Variants in TNIK observed in about 807,000 individuals in gnomAD.
TNIK encodes the protein TRAF2 and NCK interacting kinase.
TNIK carries 49 observed loss-of-function variants against 191.3 expected under a neutral mutation model. That is an observed-to-expected ratio of 0.26 (90% confidence interval 0.20 to 0.32). The LOEUF (loss-of-function observed/expected upper bound fraction) is 0.32. Ranked by LOEUF, TNIK falls within the 10% of genes least tolerant of loss-of-function variation. TNIK has a pLI of 1.00. For synonymous variants in TNIK, 594 were observed against 600.9 expected, an observed-to-expected ratio of 0.99 and a Z score of 0.17; for missense variants, 1,155 against 1,702.3, an observed-to-expected ratio of 0.68 and a Z score of 5.66.
chr3:171,209,064 GGTGTGTGT>G (rs61264225), intron 4 of TNIK, among the ~76,000 whole-genome samples: 4 of 142,014 alleles, frequency 2.8e-5, no homozygotes, highest in Non-Finnish European at 4.6e-5. Flanking sequence ...CTTTGGAAGG[GGTGTGTGT>G]GTGTGTGTGT....
rs116516182 is a variant in TNIK at position 171,222,792 on chromosome 3, G to T, written c.180+5373C>A. On this transcript the variant is annotated intron_variant, in intron 3 of 32. Coordinates refer to ENST00000436636, the MANE Select transcript of TNIK (RefSeq NM_015028.4). ...ACAGAAATAGGAATTCAGTGAAGCA[G>T]AGCTTAGCATGGATCCTCCTAGTAG... Among the ~76,000 whole-genome samples the T allele has an allele frequency of 4.0e-3, 610 of 152,240 alleles. 4 individuals carry two copies. The highest frequency in any genetic ancestry group is 0.014 in the African/African-American group (577 of 41,562).
At position 171,084,277 on chromosome 3, in the gene TNIK, T is replaced by G; in HGVS notation, c.3047A>C (p.Glu1016Ala). The change falls in exon 26 of 33, where the codon GAA becomes GCA. Residue 1016 changes from glutamate to alanine, a missense_variant. This residue lies in a region of TNIK where 735 missense variants were observed against 848.0 expected (regional missense o/e 0.87). Transcript: ENST00000436636. ...ATTTACCACCGAAATCTTTCTTGCT[T>G]CATTGAGTTTGGCCTGTTCTTGCCT... ...LLRQEQAKLN[E>A]ARKISVVNVN... 1 of 1,613,906 alleles carries G rather than the reference T, an allele frequency of 6.2e-7. No homozygotes were observed. Among genetic ancestry groups the G allele is most frequent in the Non-Finnish European group, 8.5e-7 (1 of 1,179,826 alleles).
intron 2 of TNIK, among the ~76,000 whole-genome samples, chr3:171,286,310 G>A (rs530306550): frequency 6.6e-6 from 1 of 152,242 alleles, no homozygotes; most frequent in South Asian, 2.1e-4. Context: ...TGAATGCCCT[G>A]ACTCGTTACA....
At chr3:171,068,427 G>A (rs973347381) in intron 30 of TNIK, among the ~76,000 whole-genome samples, 2 of 152,112 alleles carry the variant, frequency 1.3e-5, no homozygotes, top group Non-Finnish European at 2.9e-5. Context: ...AAGCTGAAGA[G>A]AGGAACTAAA....
At chr3:171,113,467 G>A (rs576453807) in intron 18 of TNIK, among the ~76,000 whole-genome samples, 70 of 152,158 alleles carry the variant, frequency 4.6e-4, no homozygotes, top group African/African-American at 1.5e-3. Flanking sequence ...TTAGCTGGGC[G>A]TGGTGGCAGG....
chr3:171,294,524 A>G (rs953193217), intron 2 of TNIK, among the ~76,000 whole-genome samples: 1 of 151,934 alleles, frequency 6.6e-6, no homozygotes, highest in African/African-American at 2.4e-5. Context: ...AGTTTGAGAC[A>G]AGCCTGGCCT....
chr3:171,428,531 T>G (rs910808097), intron 1 of TNIK, among the ~76,000 whole-genome samples: 2 of 152,178 alleles, frequency 1.3e-5, no homozygotes, highest in African/African-American at 2.4e-5. Context: ...TCTGCTGTCC[T>G]AATCTCTCTT....
intron 12 of TNIK, among the ~76,000 whole-genome samples, chr3:171,141,713 TG>T (rs1359144480): frequency 6.6e-6 from 1 of 152,250 alleles, no homozygotes; most frequent in Non-Finnish European, 1.5e-5. Flanking sequence ...CCATACATCA[TG>T]GCATTAGTGC....
intron 2 of TNIK, among the ~76,000 whole-genome samples, chr3:171,255,578 C>T (rs764914607): frequency 3.3e-5 from 5 of 152,162 alleles, no homozygotes; most frequent in Admixed American, 6.5e-5. Context: ...TCCACTATAC[C>T]ACCTCTTCAA....
intron 2 of TNIK, among the ~76,000 whole-genome samples, chr3:171,364,172 T>C (rs1043089230): frequency 1.3e-5 from 2 of 152,184 alleles, no homozygotes; most frequent in Admixed American, 6.5e-5. Context: ...ATTTCAGAAG[T>C]TGGAGCCGGG....
At chr3:171,207,409 C>T (rs562322553) in intron 4 of TNIK, among the ~76,000 whole-genome samples, 13 of 151,942 alleles carry the variant, frequency 8.6e-5, no homozygotes, top group Admixed American at 3.9e-4. Context: ...ATGTTACCCA[C>T]GCTGGTCTCA....
chr3:171,101,422 T>C, intron 22 of TNIK, 27 bp downstream of exon 22: 1 of 1,576,752 alleles, frequency 6.3e-7, no homozygotes, highest in Non-Finnish European at 8.6e-7. Flanking sequence ...CCCCTCCCGG[T>C]CTACACTTTA....
At chr3:171,273,380 T>TC (rs1553876092) in intron 2 of TNIK, among the ~76,000 whole-genome samples, 1 of 152,178 alleles carries the variant, frequency 6.6e-6, no homozygotes, top group Non-Finnish European at 1.5e-5. Context: ...TGTGCTTACT[T>TC]CCCTCTCTTT....
intron 1 of TNIK, among the ~76,000 whole-genome samples, chr3:171,440,299 T>C (rs1251765613): frequency 6.6e-6 from 1 of 152,142 alleles, no homozygotes; most frequent in Non-Finnish European, 1.5e-5. Flanking sequence ...ACAGTAAACA[T>C]AGGAACATTT....
At chr3:171,383,339 T>G (rs558987074) in intron 1 of TNIK, among the ~76,000 whole-genome samples, 1 of 152,340 alleles carries the variant, frequency 6.6e-6, no homozygotes, top group East Asian at 1.9e-4. Flanking sequence ...ACTGCTCTTT[T>G]TTGAGTGTCT....
chr3:171,325,123 T>C (rs1029740684), intron 2 of TNIK, among the ~76,000 whole-genome samples: 5 of 151,564 alleles, frequency 3.3e-5, no homozygotes, highest in African/African-American at 1.2e-4. Flanking sequence ...AATAAATAAA[T>C]AAAACAAAAG....
At chr3:171,069,736 T>A (rs930816586) in intron 29 of TNIK, among the ~76,000 whole-genome samples, 2 of 152,218 alleles carry the variant, frequency 1.3e-5, no homozygotes, top group African/African-American at 4.8e-5. Flanking sequence ...CCTTTGCTAT[T>A]TTTTAACCAC....
chr3:171,277,110 G>A (rs1292214701), intron 2 of TNIK, among the ~76,000 whole-genome samples: 2 of 152,100 alleles, frequency 1.3e-5, no homozygotes, highest in African/African-American at 4.8e-5. Context: ...GATAAACGTG[G>A]CCCCCTTCCC....
intron 1 of TNIK, among the ~76,000 whole-genome samples, chr3:171,437,756 G>C (rs992553961): frequency 1.3e-5 from 2 of 152,230 alleles, no homozygotes; most frequent in African/African-American, 4.8e-5. Context: ...GGCCATGTTT[G>C]AACTTCATTT....
Sources: gnomAD v4.1 joint callset for allele counts (sites outside exome capture counted in the v4.1 genomes callset) on GRCh38, gnomAD v4.1.1 for gene constraint, gnomAD v4.1.1 regional missense constraint, MANE v1.5 for transcripts, NCBI Gene and HGNC (gene_info 2026-07-23, HGNC 2026-07-21) for gene names.